ABI3BP: variants seen among roughly 807,000 people sequenced by gnomAD.
The protein encoded by ABI3BP is ABI family member 3 binding protein.
In ABI3BP, 216 loss-of-function variants were observed where a neutral mutation model predicts 268.6. The observed-to-expected ratio is 0.80, with a 90% CI of 0.72 to 0.90. The LOEUF is 0.90. Ranked by LOEUF, ABI3BP falls within the 40% of genes least tolerant of loss-of-function variation. The probability of loss-of-function intolerance (pLI) is 0.00; values close to 1 mark genes in which losing one functional copy is unlikely to be tolerated. For missense variants in ABI3BP, 2,090 were observed against 2,182.4 expected (o/e 0.96, Z 0.84); for synonymous variants, 730 against 730.0 (o/e 1.00, Z 0.00).
At position 100,749,723 on chromosome 3, in the gene ABI3BP, C is replaced by CATAAAAACAATATGAAGACGATTGCATA. The variant is rs1173268246; in HGVS notation, c.*744_*771dup. 74 of 398,304 alleles carry CATAAAAACAATATGAAGACGATTGCATA rather than the reference C, an allele frequency of 1.9e-4. No homozygotes were observed. The highest frequency in any genetic ancestry group is 1.8e-5 in the Non-Finnish European group (4 of 225,802). 24.7% of individuals were successfully genotyped at this position (398,304 alleles called of 1,614,324 possible). A position where few individuals can be genotyped will look rare whatever the true frequency, so the allele number is the denominator to read the frequency against. The stretch of plus-strand genomic sequence containing the variant: ...TCTCTACATACAGCTTGATTAGAAT[C>CATAAAAACAATATGAAGACGATTGCATA]ATAAAAACAATATGAAGACGATTGC... On this transcript the variant is annotated 3_prime_UTR_variant, in exon 68 of 68. Transcript: ENST00000471714.
intron 1 of ABI3BP, among the ~76,000 whole-genome samples, chr3:100,953,189 G>A (rs759238094): frequency 4.6e-5 from 7 of 152,136 alleles, no homozygotes; most frequent in African/African-American, 1.7e-4. Context: ...GAAAAGACCA[G>A]CCAGTCTTCC....
chr3:100,949,615 G>T (rs2074062612), intron 1 of ABI3BP, among the ~76,000 whole-genome samples: 1 of 152,124 alleles, frequency 6.6e-6, no homozygotes, highest in Non-Finnish European at 1.5e-5. Context: ...TTGGGATAAG[G>T]TATTGATCTT....
At chr3:100,986,111 G>A (rs990288364) in intron 1 of ABI3BP, among the ~76,000 whole-genome samples, 18 of 152,120 alleles carry the variant, frequency 1.2e-4, no homozygotes, top group African/African-American at 4.1e-4. Flanking sequence ...GACTCTCCTG[G>A]GCTTGTACAT....
chr3:100,898,984 G>T, intron 3 of ABI3BP, 90 bp from the exon 4 acceptor site: 1 of 1,351,706 alleles, frequency 7.4e-7, no homozygotes, highest in South Asian at 1.5e-5. Flanking sequence ...GACTTGGCAA[G>T]ATGATGCAAA....
intron 37 of ABI3BP, 77 bp from the exon 38 acceptor site, chr3:100,822,749 T>G: frequency 8.0e-7 from 1 of 1,248,540 alleles, no homozygotes; most frequent in African/African-American, 1.5e-5. Context: ...TAAAAAAACA[T>G]GACTCTACTG....
intron 62 of ABI3BP, among the ~76,000 whole-genome samples, chr3:100,768,027 C>G (rs966708054): frequency 6.6e-6 from 1 of 151,366 alleles, no homozygotes; most frequent in African/African-American, 2.4e-5. Flanking sequence ...ATTAAACCTG[C>G]CTTTTAGTAG....
intron 63 of ABI3BP, among the ~76,000 whole-genome samples, chr3:100,759,737 C>A (rs977344376): frequency 6.6e-6 from 1 of 152,148 alleles, no homozygotes; most frequent in Non-Finnish European, 1.5e-5. Flanking sequence ...AGGTAGCTGT[C>A]CTTCTGCCCC....
chr3:100,866,395 T>G (rs1251548564), intron 10 of ABI3BP, among the ~76,000 whole-genome samples: 1 of 152,230 alleles, frequency 6.6e-6, no homozygotes, highest in African/African-American at 2.4e-5. Flanking sequence ...GGATTGTTAC[T>G]GAACTATTCT....
At position 100,837,251 on chromosome 3, in the gene ABI3BP, C is replaced by T. The variant is rs1485840482; in HGVS notation, c.2084-80G>A. ...TTTGGGTGCTCATTGGTGTTTAATT[C>T]AGAGGACACAGAGTCTAGTTTATTC... On this transcript the variant is annotated intron_variant, in intron 26 of 67. Coordinates refer to ENST00000471714, the MANE Select transcript of ABI3BP (RefSeq NM_001375547.2). The T allele has an allele frequency of 2.8e-6, 3 of 1,061,238 alleles. No homozygotes were observed. In the East Asian group the frequency reaches 8.1e-5, roughly 29 times the overall value. 65.7% of individuals were successfully genotyped at this position (1,061,238 alleles called of 1,614,324 possible). A position where few individuals can be genotyped will look rare whatever the true frequency, so the allele number is the denominator to read the frequency against.
At chr3:100,830,547 G>A in intron 32 of ABI3BP, 31 bp downstream of exon 32, 1 of 1,524,130 alleles carries the variant, frequency 6.6e-7, no homozygotes. Flanking sequence ...AGCAGGAGAG[G>A]CAGATGTTGA....
chr3:100,845,300 C>T (rs895648345), intron 20 of ABI3BP, among the ~76,000 whole-genome samples: 3 of 152,118 alleles, frequency 2.0e-5, no homozygotes, highest in African/African-American at 7.2e-5. Context: ...CCCCTGAAAA[C>T]CCTGAGTGAG....
In ABI3BP at chr3:100,993,395, C is replaced by A. The variant is rs867917229; in HGVS notation, c.-11G>T. 1 of 1,551,872 alleles carries A rather than the reference C, an allele frequency of 6.4e-7. No individual in the cohort carries two copies. The highest frequency in any genetic ancestry group is 2.0e-5 in the Admixed American group (1 of 51,134). On this transcript the variant is annotated 5_prime_UTR_variant, in exon 1 of 68. Transcript: ENST00000471714. ...CAAACTGGAGAGCATGTTGCATTTG[C>A]CACCTCGCATGGGGAATGATGCTGG...
At chr3:100,758,313 T>C (rs150104461) in intron 63 of ABI3BP, among the ~76,000 whole-genome samples, 134 of 152,372 alleles carry the variant, frequency 8.8e-4, no homozygotes, top group African/African-American at 3.0e-3. Flanking sequence ...GTTATAGTAA[T>C]TATAACTTCA....
chr3:100,858,151 A>T lies in ABI3BP; in HGVS notation c.1285+4160T>A, dbSNP rs140982948. On this transcript the variant is annotated intron_variant, in intron 14 of 67. Coordinates refer to ENST00000471714, the MANE Select transcript of ABI3BP (RefSeq NM_001375547.2). Reference sequence around the variant, plus strand: ...TCAACTTCCTCTAGATACAAAATTTATAGGTAATTTTATATTCTGATACAT... The same window carrying T: ...TCAACTTCCTCTAGATACAAAATTTTTAGGTAATTTTATATTCTGATACAT... 1.4e-3 allele frequency among the ~76,000 whole-genome samples: 215 copies of T among 152,356 alleles called. 3 individuals carry two copies. The highest frequency in any genetic ancestry group is 5.0e-3 in the African/African-American group (207 of 41,572).
rs1408771062 is a variant in ABI3BP, at chr3:100,839,551, T to G, written c.1945+18A>C. ...CTACAACCCGTGAAAGCAGCCGTGGTGGAGGGAGTAGAATTACCAGTTGTG... is the reference window on the plus strand; with the variant it reads ...CTACAACCCGTGAAAGCAGCCGTGGGGGAGGGAGTAGAATTACCAGTTGTG... On this transcript the variant is annotated intron_variant, in intron 24 of 67. Coordinates refer to ENST00000471714, the MANE Select transcript of ABI3BP (RefSeq NM_001375547.2). The G allele has an allele frequency of 3.3e-6, 5 of 1,535,610 alleles. No homozygotes were observed. Among genetic ancestry groups the G allele is most frequent in the Middle Eastern group, 1.7e-4 (1 of 5,984 alleles).
chr3:100,892,120 T>G (rs1484193555), intron 4 of ABI3BP, among the ~76,000 whole-genome samples: 1 of 152,244 alleles, frequency 6.6e-6, no homozygotes, highest in Non-Finnish European at 1.5e-5. Flanking sequence ...TCTTGAGAGA[T>G]TCTATGACTT....
intron 44 of ABI3BP, among the ~76,000 whole-genome samples, chr3:100,815,311 CA>C (rs1364820301): frequency 2.6e-5 from 4 of 151,806 alleles, no homozygotes; most frequent in Admixed American, 6.6e-5. Context: ...CTTTAGAGAC[CA>C]AAATCACATA....
chr3:100,800,048 C>G (rs1368373215), intron 51 of ABI3BP, among the ~76,000 whole-genome samples: 1 of 152,144 alleles, frequency 6.6e-6, no homozygotes, highest in Admixed American at 6.6e-5. Flanking sequence ...TGTCACCCTT[C>G]TCTCCATAAC....
chr3:100,923,584 G>C (rs1188357234), intron 2 of ABI3BP, among the ~76,000 whole-genome samples: 1 of 152,064 alleles, frequency 6.6e-6, no homozygotes, highest in African/African-American at 2.4e-5. Context: ...ACTGTCACTA[G>C]TCATCTTTGG....
Sources: gnomAD v4.1 joint callset for allele counts (sites outside exome capture counted in the v4.1 genomes callset) on GRCh38, gnomAD v4.1.1 for gene constraint, MANE v1.5 for transcripts, NCBI Gene and HGNC (gene_info 2026-07-23, HGNC 2026-07-21) for gene names.